The following SERTAD1 variants were observed in gnomAD, a reference collection of about 807,000 sequenced individuals.
SERTAD1 encodes the protein SERTA domain-containing protein 1.
SERTAD1 carries 5 observed loss-of-function variants against 11.7 expected under a neutral mutation model. The observed-to-expected ratio is 0.43, with a 90% CI of 0.22 to 0.90. SERTAD1 has a LOEUF of 0.90. Ranked by LOEUF, SERTAD1 falls within the 40% of genes least tolerant of loss-of-function variation. The pLI is 0.27. For synonymous variants in SERTAD1, 139 were observed against 141.4 expected (o/e 0.98, Z 0.12); for missense variants, 287 against 313.9 (o/e 0.91, Z 0.65).
At chr19:40,424,828 C>T (rs2079610623) in intron 1 of SERTAD1, among the ~76,000 whole-genome samples, 1 of 152,162 alleles carries the variant, frequency 6.6e-6, no homozygotes, top group South Asian at 2.1e-4. Flanking sequence ...GCTAGGGGAA[C>T]GGGCACAAGC....
At chr19:40,424,231 G>T (rs2079608911) in intron 1 of SERTAD1, among the ~76,000 whole-genome samples, 2 of 151,368 alleles carry the variant, frequency 1.3e-5, no homozygotes. Flanking sequence ...TGTTGCCCAG[G>T]GTGGTCTCAA....
chr19:40,423,861 G>T (rs897189325), intron 1 of SERTAD1, among the ~76,000 whole-genome samples: 2 of 151,912 alleles, frequency 1.3e-5, no homozygotes, highest in African/African-American at 4.8e-5. Context: ...CCAAAAGCTA[G>T]GATTACAGGC....
At chr19:40,424,653 G>A (rs1243798524) in intron 1 of SERTAD1, among the ~76,000 whole-genome samples, 2 of 152,298 alleles carry the variant, frequency 1.3e-5, no homozygotes, top group East Asian at 1.9e-4. Flanking sequence ...GAGCCCTCAG[G>A]CCAGAGAAGT....
At chr19:40,425,510 C>G (rs912068317) in intron 1 of SERTAD1, among the ~76,000 whole-genome samples, 1 of 152,198 alleles carries the variant, frequency 6.6e-6, no homozygotes. Flanking sequence ...TTCTACTGCC[C>G]CGATTCCCGG....
intron 1 of SERTAD1, among the ~76,000 whole-genome samples, chr19:40,424,662 G>T (rs1313553421): frequency 2.6e-5 from 4 of 152,146 alleles, no homozygotes; most frequent in African/African-American, 9.7e-5. Context: ...GGCCAGAGAA[G>T]TCAGCCATGG....
Position 40,422,552 on chromosome 19 carries a change from T to C in SERTAD1, c.*284A>G, listed in dbSNP as rs144833504. The C allele has an allele frequency of 1.8e-4, 72 of 400,116 alleles. No homozygotes were observed. Among genetic ancestry groups the C allele is most frequent in the African/African-American group, 1.1e-3 (55 of 48,802 alleles). 24.8% of individuals were successfully genotyped at this position (400,116 alleles called of 1,614,324 possible). On this transcript the variant is annotated 3_prime_UTR_variant, in exon 2 of 2. Transcript: ENST00000357949. ...ATTTGAAAAATCTGATTGGGGTCTC[T>C]TCCCGTATCAGAGAAGGAACAGCCC...
Position 40,423,056 on chromosome 19 carries a change from C to G in SERTAD1, c.491G>C (p.Cys164Ser), listed in dbSNP as rs148598399. 10 of 1,580,154 alleles carry G rather than the reference C, an allele frequency of 6.3e-6. No individual in the cohort carries two copies. Among genetic ancestry groups the G allele is most frequent in the South Asian group, 1.1e-5 (1 of 86,992 alleles). ...GCCCTCAAGCCCATCGTCCAGTAGA[C>G]AGCCAGTGGCTGGGCCCAGCAGGTC... Reference protein sequence around the residue: ...ALDLLGPATGCLLDDGLEGLF... With the variant: ...ALDLLGPATGSLLDDGLEGLF... The change falls in exon 2 of 2, where the codon TGT becomes TCT. Residue 164 changes from cysteine (C) to serine (S), a missense_variant. Cys to Ser is a moderately radical substitution (Grantham distance 112). Coordinates refer to ENST00000357949, the MANE Select transcript of SERTAD1 (RefSeq NM_013376.4).
intron 1 of SERTAD1, among the ~76,000 whole-genome samples, chr19:40,425,624 C>A (rs2079613938): frequency 1.3e-5 from 2 of 152,200 alleles, no homozygotes; most frequent in Admixed American, 6.5e-5. Flanking sequence ...GGCGGCTCCT[C>A]CCGAAGCGGC....
intron 1 of SERTAD1, among the ~76,000 whole-genome samples, chr19:40,424,869 A>AG (rs1364808199): frequency 6.6e-6 from 1 of 152,232 alleles, no homozygotes; most frequent in African/African-American, 2.4e-5. Flanking sequence ...ATGCAGAAGT[A>AG]GGGAGTTTGG....
At position 40,421,724 on chromosome 19, in the gene SERTAD1, G is replaced by A. The variant is rs537934398; in HGVS notation, c.*1112C>T. 2 of 152,044 alleles carry A rather than the reference G, an allele frequency of 1.3e-5. No homozygotes were observed. The highest frequency in any genetic ancestry group is 4.8e-5 in the African/African-American group (2 of 41,452). 9.4% of individuals were successfully genotyped at this position (152,044 alleles called of 1,614,324 possible). A position where few individuals can be genotyped will look rare whatever the true frequency, so the allele number is the denominator to read the frequency against. On this transcript the variant is annotated 3_prime_UTR_variant, in exon 2 of 2. Transcript: ENST00000357949. ...GGTCCAGGTTTTGTGTTTTTATTTC[G>A]GGACCATTCTGAAAGCAATCTCCCC...
In SERTAD1 at chr19:40,423,328, A is replaced by G. The variant is rs574200748; in HGVS notation, c.219T>C (p.Thr73=). ...CCATGGACGCCTGGATGCGCCGCAG[A>G]GTGTTCACGACCAGCACCAGGTGCC... The part of the protein sequence containing the change: ...DLRHLVLVVN[T]LRRIQASMAP... Residue 73 remains threonine, a synonymous_variant, in exon 2 of 2, where the codon ACT becomes ACC. Transcript: ENST00000357949. 5.8e-5 allele frequency: 93 copies of G among 1,612,432 alleles called. 1 individual carries two copies. The South Asian group carries it at 9.7e-4, about 17-fold the overall frequency.
In SERTAD1 at chr19:40,422,677, G is replaced by A; in HGVS notation, c.*159C>T. 1 of 739,308 alleles carries A rather than the reference G, an allele frequency of 1.4e-6. No homozygotes were observed. 45.8% of individuals were successfully genotyped at this position (739,308 alleles called of 1,614,324 possible). ...GCTCCCCCTGCCAGCCCTGAGACAG[G>A]AGGACGGATGTGAAGTTGCCCAGGA... On this transcript the variant is annotated 3_prime_UTR_variant, in exon 2 of 2. Transcript: ENST00000357949.
At position 40,422,854 on chromosome 19, in the gene SERTAD1, C is replaced by A. The variant is rs1316696178; in HGVS notation, c.693G>T (p.Pro231=). The part of the protein sequence containing the change: ...VLVGTQALER[P]PGPGR ...CGAGGGCTCAGCGCCCTGGCCCCGGCGGTCGCTCCAGTGCCTGTGTGCCCA... is the reference window on the plus strand; with the variant it reads ...CGAGGGCTCAGCGCCCTGGCCCCGGAGGTCGCTCCAGTGCCTGTGTGCCCA... Residue 231 remains proline, a synonymous_variant, in exon 2 of 2, where the codon CCG becomes CCT. Coordinates refer to ENST00000357949, the MANE Select transcript of SERTAD1 (RefSeq NM_013376.4). 3 of 1,601,048 alleles carry A rather than the reference C, an allele frequency of 1.9e-6. No homozygotes were observed. Among genetic ancestry groups the A allele is most frequent in the East Asian group, 4.5e-5 (2 of 44,618 alleles).
chr19:40,425,555 GC>G (rs2079613591), intron 1 of SERTAD1, among the ~76,000 whole-genome samples: 1 of 152,192 alleles, frequency 6.6e-6, no homozygotes, highest in Non-Finnish European at 1.5e-5. Context: ...CGCCGTGCGA[GC>G]CGGGACCCCT....
In SERTAD1 at chr19:40,423,567, T is replaced by C. The variant is rs766035085; in HGVS notation, c.1-21A>G. On this transcript the variant is annotated intron_variant, in intron 1 of 1. Coordinates refer to ENST00000357949, the MANE Select transcript of SERTAD1 (RefSeq NM_013376.4). ...AGCATCTGCAGAGGGCAGGGAGTTA[T>C]GGAGTTATAGTCAGTTATAGAAAAC... 2.1e-6 allele frequency: 3 copies of C among 1,443,222 alleles called. No homozygotes were observed. In the African/African-American group the frequency reaches 4.2e-5, roughly 20 times the overall value. 89.4% of individuals were successfully genotyped at this position (1,443,222 alleles called of 1,614,324 possible). A position where few individuals can be genotyped will look rare whatever the true frequency, so the allele number is the denominator to read the frequency against.
Position 40,423,358 on chromosome 19 carries a change from G to A in SERTAD1, c.189C>T (p.Asp63=), listed in dbSNP as rs552907396. ...TCACGACCAGCACCAGGTGCCGCAG[G>A]TCCGGCTCACTCTGCTGCAGGCTGT... ...LHHSLQQSEP[D]LRHLVLVVNT... is the part of the protein sequence containing the mutation. The change falls in exon 2 of 2, where the codon GAC becomes GAT. Residue 63 remains aspartate (D), a synonymous_variant. Transcript: ENST00000357949. 5 of 1,613,426 alleles carry A rather than the reference G, an allele frequency of 3.1e-6. No homozygotes were observed. The highest frequency in any genetic ancestry group is 4.2e-6 in the Non-Finnish European group (5 of 1,179,988).
Position 40,423,482 on chromosome 19 carries a change from T to C in SERTAD1, c.65A>G (p.Asp22Gly), listed in dbSNP as rs1438864731. 1 of 1,612,366 alleles carries C rather than the reference T, an allele frequency of 6.2e-7. No homozygotes were observed. Among genetic ancestry groups the C allele is most frequent in the Admixed American group, 1.7e-5 (1 of 59,918 alleles). Reference sequence around the variant, plus strand: ...GTGGCCAGGATCTAGCCACCAGGAGTCGACTGCCAGAGGTTCCTTCTCCTC... The same window carrying C: ...GTGGCCAGGATCTAGCCACCAGGAGCCGACTGCCAGAGGTTCCTTCTCCTC... Reference protein sequence around the residue: ...EEEEKEPLAVDSWWLDPGHTA... With the variant: ...EEEEKEPLAVGSWWLDPGHTA... Residue 22 changes from aspartate (D) to glycine (G), a missense_variant, in exon 2 of 2, where the codon GAC (aspartate) becomes GGC (glycine). By Grantham distance (94) the Asp-to-Gly change is moderately conservative. Coordinates refer to ENST00000357949, the MANE Select transcript of SERTAD1 (RefSeq NM_013376.4).
Position 40,425,957 on chromosome 19 carries a change from C to T in SERTAD1, c.-91G>A, listed in dbSNP as rs185373934. 22 of 152,414 alleles carry T rather than the reference C, an allele frequency of 1.4e-4. No individual in the cohort carries two copies. Among genetic ancestry groups the T allele is most frequent in the African/African-American group, 2.2e-4 (9 of 41,598 alleles). The allele number at this position is 152,414 out of a possible 1,614,324, so 9.4% of individuals were successfully genotyped here. A position where few individuals can be genotyped will look rare whatever the true frequency, so the allele number is the denominator to read the frequency against. On this transcript the variant is annotated 5_prime_UTR_variant, in exon 1 of 2. Coordinates refer to ENST00000357949, the MANE Select transcript of SERTAD1 (RefSeq NM_013376.4). ...GGCAGCATCGCTTGTTGGCTGTCCT[C>T]CGGAAACCCGCGCCTGGGTCGCGAG... is the stretch of plus-strand genomic sequence containing the variant.
rs1371840233 is a variant in SERTAD1 at position 40,423,349 on chromosome 19, G to A, written c.198C>T (p.His66=). ...GCAGAGTGTTCACGACCAGCACCAG[G>A]TGCCGCAGGTCCGGCTCACTCTGCT... ...SLQQSEPDLR[H]LVLVVNTLRR... is the part of the protein sequence containing the mutation. Residue 66 remains histidine (H), a synonymous_variant, in exon 2 of 2, where the codon CAC becomes CAT. Transcript: ENST00000357949. 5 of 1,613,304 alleles carry A rather than the reference G, an allele frequency of 3.1e-6. No homozygotes were observed. The highest frequency in any genetic ancestry group is 1.7e-5 in the Admixed American group (1 of 59,972).
Sources: gnomAD v4.1 joint callset for allele counts (sites outside exome capture counted in the v4.1 genomes callset) on GRCh38, gnomAD v4.1.1 for gene constraint, MANE v1.5 for transcripts, NCBI Gene and HGNC (gene_info 2026-07-23, HGNC 2026-07-21) for gene names.